The following ANO1 variants were observed in gnomAD, a reference collection of about 807,000 sequenced individuals.
ANO1 encodes anoctamin-1.
A neutral mutation model predicts 124.0 loss-of-function variants in ANO1; 59 were observed. The ratio of observed to expected loss-of-function variants is 0.48; its 90% CI spans 0.39 to 0.59. The LOEUF (loss-of-function observed/expected upper bound fraction) is 0.59, where lower values mean the gene tolerates loss of function less well. ANO1 is among the 20% of genes least tolerant of loss of function. The pLI is 0.00. For synonymous variants in ANO1, 529 were observed against 532.0 expected (o/e 0.99, Z 0.08); for missense variants, 1,059 against 1,328.0 (o/e 0.80, Z 3.15).
intron 1 of ANO1, among the ~76,000 whole-genome samples, chr11:70,022,422 A>G (rs1856824845): frequency 6.6e-6 from 1 of 152,076 alleles, no homozygotes; most frequent in African/African-American, 2.4e-5. Flanking sequence ...AACATGGTGA[A>G]ACCCCGTCTC....
chr11:70,158,647 G>T (rs563135459), intron 16 of ANO1, among the ~76,000 whole-genome samples: 93 of 152,366 alleles, frequency 6.1e-4, no homozygotes, highest in African/African-American at 2.1e-3. Context: ...GAGGCGGGGG[G>T]CTGTCTTTGT....
intron 1 of ANO1, 123 bp downstream of exon 1, chr11:70,078,837 G>C: frequency 4.6e-6 from 2 of 433,516 alleles, no homozygotes; most frequent in Non-Finnish European, 6.6e-6. Context: ...CTCCGCGCAG[G>C]GTTCGCGGCG....
At chr11:70,104,907 A>G (rs934029095) in intron 4 of ANO1, among the ~76,000 whole-genome samples, 1 of 152,122 alleles carries the variant, frequency 6.6e-6, no homozygotes, top group African/African-American at 2.4e-5. Flanking sequence ...TTATAAATGT[A>G]GTAGGGGTGG....
chr11:70,167,426 G>T lies in ANO1; in HGVS notation c.2197+39G>T. The T allele has an allele frequency of 3.8e-6, 6 of 1,586,600 alleles. No homozygotes were observed. In the Admixed American group the frequency reaches 1.1e-4, roughly 28 times the overall value. On this transcript the variant is annotated intron_variant, in intron 21 of 25. Transcript: ENST00000355303. ...GGGGCAGGCAGGTGACATCAGGATA[G>T]AAACAGGCCAGCATGCCACCTGGAG...
chr11:70,105,874 C>G lies in ANO1; in HGVS notation c.747+86C>G, dbSNP rs2135374559. 2.2e-5 allele frequency: 30 copies of G among 1,372,378 alleles called. No individual in the cohort carries two copies. The South Asian group carries it at 3.6e-4, about 16-fold the overall frequency. The allele number at this position is 1,372,378 out of a possible 1,614,324, so 85.0% of individuals were successfully genotyped here. ...ATAATTTCATTTTGGTGAAACTCCT[C>G]CCGGTGGAAGCCGGCTCTAATTGTC... On this transcript the variant is annotated intron_variant, in intron 5 of 25. Transcript: ENST00000355303.
Position 70,161,291 on chromosome 11 carries a change from TC to T in ANO1, c.1710del (p.Ile571SerfsTer3). On this transcript the variant is annotated frameshift_variant, in exon 17 of 26. Transcript: ENST00000355303. LOFTEE classifies it high-confidence loss of function. ...GTCACAGTCACAGCCACCGCAGTCA[TC>T]ATCAACCTAGTGGTCATCATCCTCC... ...IRVTVTATAVIINLVVIILLD... is the reference protein window; with the variant it reads ...IRVTVTATAVXINLVVIILLD... 1 of 1,613,888 alleles carries T rather than the reference TC, an allele frequency of 6.2e-7. No individual in the cohort carries two copies. Among genetic ancestry groups the T allele is most frequent in the East Asian group, 2.2e-5 (1 of 44,884 alleles).
intron 1 of ANO1, among the ~76,000 whole-genome samples, chr11:70,081,639 T>C (rs574084714): frequency 1.3e-5 from 2 of 152,284 alleles, no homozygotes; most frequent in East Asian, 3.9e-4. Flanking sequence ...TGGATATGAA[T>C]TCAGTTCCTG....
intron 21 of ANO1, 70 bp from the exon 22 acceptor site, chr11:70,170,817 G>A (rs1410601192): frequency 3.9e-6 from 6 of 1,538,686 alleles, no homozygotes; most frequent in Middle Eastern, 1.7e-4. Context: ...CTCGGCACAC[G>A]GGGTGGTGGA....
In ANO1 at chr11:70,038,527, C is replaced by T. The variant is rs576251348; in HGVS notation, c.59-40015C>T. Among the ~76,000 whole-genome samples, 7 of 152,198 alleles carry T rather than the reference C, an allele frequency of 4.6e-5. No homozygotes were observed. In the East Asian group the frequency reaches 1.4e-3, roughly 29 times the overall value. On this transcript the variant is annotated intron_variant, in intron 1 of 27. Coordinates refer to the ANO1 transcript ENST00000531349. ...CTAGCCTTGCTGAGAGATCCTTTGT[C>T]TCAGTGTTGATTTTGCGACACCGAG...
rs969011841 is a variant in ANO1, at chr11:70,025,986, G to A, written c.58+39820G>A. Among the ~76,000 whole-genome samples, 11 of 143,894 alleles carry A rather than the reference G, an allele frequency of 7.6e-5. No individual in the cohort carries two copies. In the South Asian group the frequency reaches 1.8e-3, roughly 24 times the overall value. The allele number at this position is 143,894 out of a possible 152,430, so 94.4% of individuals were successfully genotyped here. A position where few individuals can be genotyped will look rare whatever the true frequency, so the allele number is the denominator to read the frequency against. On this transcript the variant is annotated intron_variant, in intron 1 of 27. Coordinates refer to the ANO1 transcript ENST00000531349. ...GATGATGATGGTGACGATGGTGGTAGTGGTGGTGATGATGATGATGATGAT... is the reference window on the plus strand; with the variant it reads ...GATGATGATGGTGACGATGGTGGTAATGGTGGTGATGATGATGATGATGAT...
At chr11:70,035,001 C>T (rs1366039404) in intron 1 of ANO1, among the ~76,000 whole-genome samples, 1 of 151,818 alleles carries the variant, frequency 6.6e-6, no homozygotes, top group African/African-American at 2.4e-5. Flanking sequence ...TCTCTGCAGC[C>T]AAGTGGGCTC....
intron 11 of ANO1, among the ~76,000 whole-genome samples, chr11:70,143,876 C>T (rs561926980): frequency 1.3e-5 from 2 of 152,260 alleles, no homozygotes; most frequent in African/African-American, 4.8e-5. Flanking sequence ...ATTTTAGGTG[C>T]ACAATTCAGT....
At chr11:70,127,709 G>C (rs2046579891) in intron 10 of ANO1, among the ~76,000 whole-genome samples, 1 of 151,946 alleles carries the variant, frequency 6.6e-6, no homozygotes. Context: ...AAAAAAAAAA[G>C]AGTCAAGTTT....
intron 1 of ANO1, among the ~76,000 whole-genome samples, chr11:70,062,910 T>TTGTTG (rs1565171773): frequency 6.6e-6 from 1 of 152,008 alleles, no homozygotes; most frequent in Non-Finnish European, 1.5e-5. Flanking sequence ...ATGTTGTTTT[T>TTGTTG]TTGTTGTTGT....
At chr11:69,977,898 C>A in the ANO1 span, among the ~76,000 whole-genome samples, 9 of 152,246 alleles carry the variant, frequency 5.9e-5, no homozygotes, top group Non-Finnish European at 1.2e-4. Flanking sequence ...TCTCCCCTCT[C>A]CAAAGCGGGG....
upstream of ANO1, chr11:70,074,847 C>A (rs1325861668): frequency 2.0e-5 from 3 of 152,284 alleles, no homozygotes; most frequent in Non-Finnish European, 2.9e-5. Context: ...GATCCAGCCC[C>A]ACACATCCAC....
At chr11:70,086,137 CTG>C (rs1160130176) in intron 1 of ANO1, among the ~76,000 whole-genome samples, 1 of 152,234 alleles carries the variant, frequency 6.6e-6, no homozygotes. Flanking sequence ...CCACAGGAAA[CTG>C]AGGTGGAAAC....
At chr11:70,151,577 G>A (rs570575210) in intron 12 of ANO1, among the ~76,000 whole-genome samples, 3 of 152,176 alleles carry the variant, frequency 2.0e-5, no homozygotes, top group African/African-American at 4.8e-5. Flanking sequence ...TCAACCCCTT[G>A]GGATCCCATT....
At chr11:69,995,431 G>A (rs1554998245) in intron 1 of ANO1, among the ~76,000 whole-genome samples, 2 of 152,146 alleles carry the variant, frequency 1.3e-5, no homozygotes, top group African/African-American at 2.4e-5. Context: ...CATAGTGTAT[G>A]CAGATGTCCT....
Sources: allele counts gnomAD v4.1 joint callset (sites outside exome capture counted in the v4.1 genomes callset), GRCh38; gene constraint gnomAD v4.1.1; transcripts MANE v1.5; gene names NCBI Gene and HGNC (gene_info 2026-07-23, HGNC 2026-07-21).